BRAP: variants seen among roughly 807,000 people sequenced by gnomAD.
BRAP encodes BRCA1 associated protein, also known as BRCA1-associated protein.
A neutral mutation model predicts 73.4 loss-of-function variants in BRAP; 42 were observed. That is an observed-to-expected ratio of 0.57 (90% CI 0.45 to 0.74). The LOEUF is 0.74. Among genes scored for constraint, BRAP ranks in the 30% least tolerant of loss-of-function variants. The pLI is 0.00. For missense variants in BRAP, 593 were observed against 751.4 expected (o/e 0.79, Z 2.46); for synonymous variants, 255 against 267.4 (o/e 0.95, Z 0.45).
chr12:111,654,573 C>T (rs1886447456), intron 10 of BRAP, among the ~76,000 whole-genome samples: 1 of 152,206 alleles, frequency 6.6e-6, no homozygotes, highest in Non-Finnish European at 1.5e-5. Context: ...GCCTCGGCCT[C>T]CCAAAGTGCT....
intron 9 of BRAP, among the ~76,000 whole-genome samples, chr12:111,658,462 AT>A (rs1164163765): frequency 1.3e-5 from 2 of 152,000 alleles, no homozygotes; most frequent in African/African-American, 4.8e-5. Flanking sequence ...AGGAGCTGGG[AT>A]TACAGGTGTG....
At chr12:111,655,524 C>A in intron 10 of BRAP, 42 bp downstream of exon 10, 4 of 1,511,922 alleles carry the variant, frequency 2.6e-6, no homozygotes, top group Non-Finnish European at 3.7e-6. Flanking sequence ...GAGTGCCCTG[C>A]CATGTGTCAT....
intron 2 of BRAP, among the ~76,000 whole-genome samples, chr12:111,682,325 C>G (rs1385079007): frequency 6.6e-6 from 1 of 151,802 alleles, no homozygotes; most frequent in African/African-American, 2.4e-5. Flanking sequence ...TGGTGAAACC[C>G]TGTCTCTACC....
intron 5 of BRAP, among the ~76,000 whole-genome samples, chr12:111,671,266 A>T (rs987550528): frequency 4.6e-5 from 7 of 151,828 alleles, no homozygotes; most frequent in Non-Finnish European, 1.0e-4. Context: ...AAACAGAATC[A>T]ACGCCATGCA....
chr12:111,667,650 G>C (rs955615568), intron 5 of BRAP, among the ~76,000 whole-genome samples: 4 of 120,322 alleles, frequency 3.3e-5, no homozygotes, highest in African/African-American at 1.3e-4. Flanking sequence ...AGTGAGCTGA[G>C]ATCACACCAC....
intron 10 of BRAP, among the ~76,000 whole-genome samples, chr12:111,653,727 C>T (rs917860763): frequency 2.0e-5 from 3 of 152,156 alleles, no homozygotes; most frequent in African/African-American, 7.2e-5. Context: ...TCTCCCTGAA[C>T]ATGTTCTACT....
chr12:111,685,712 C>T lies in BRAP; in HGVS notation c.81G>A (p.Ala27=). ...ATGCGGCGAGGCCGCGGGACTCACC[C>T]GCGGCGCTGAAGCCGAAGCCGGCGG... The part of the protein sequence containing the change: ...PVPAGFGFSA[A]AGEMSDEEIK... The change falls in exon 1 of 12, where the codon GCG becomes GCA. Residue 27 remains alanine, a splice_region_variant and synonymous_variant. Transcript: ENST00000419234. 2 of 1,604,218 alleles carry T rather than the reference C, an allele frequency of 1.2e-6. No individual in the cohort carries two copies. Among genetic ancestry groups the T allele is most frequent in the Non-Finnish European group, 1.7e-6 (2 of 1,176,950 alleles).
intron 6 of BRAP, among the ~76,000 whole-genome samples, chr12:111,663,247 A>T (rs1886819348): frequency 6.6e-6 from 1 of 152,106 alleles, no homozygotes; most frequent in African/African-American, 2.4e-5. Flanking sequence ...TGAGGTCAGC[A>T]GTTCGAGACC....
chr12:111,658,640 A>G, intron 9 of BRAP, 96 bp downstream of exon 9: 1 of 1,063,274 alleles, frequency 9.4e-7, no homozygotes, highest in South Asian at 1.6e-5. Flanking sequence ...AAACTTTAAA[A>G]AAAAAATGTA....
At chr12:111,668,044 T>A (rs1887025103) in intron 5 of BRAP, among the ~76,000 whole-genome samples, 1 of 152,094 alleles carries the variant, frequency 6.6e-6, no homozygotes, top group African/African-American at 2.4e-5. Context: ...CCATCTCTAC[T>A]AAGAACACAA....
In BRAP at chr12:111,685,955, A is replaced by C; in HGVS notation, c.-163T>G. ...TCGAACAGCCCTCGGAGCCACAACA[A>C]CCTCCACTTCCGCCTCCCGGCCGCC... On this transcript the variant is annotated 5_prime_UTR_variant, in exon 1 of 12. Coordinates refer to ENST00000419234, the MANE Select transcript of BRAP (RefSeq NM_006768.5). The C allele has an allele frequency of 2.5e-6, 1 of 397,760 alleles. No homozygotes were observed. Among genetic ancestry groups the C allele is most frequent in the Non-Finnish European group, 4.4e-6 (1 of 228,856 alleles). 24.6% of individuals were successfully genotyped at this position (397,760 alleles called of 1,614,324 possible).
Position 111,643,318 on chromosome 12 carries a change from A to G in BRAP, c.*881T>C, listed in dbSNP as rs1458748344. The G allele has an allele frequency of 6.6e-6, 1 of 152,214 alleles. No individual in the cohort carries two copies. The highest frequency in any genetic ancestry group is 6.5e-5 in the Admixed American group (1 of 15,268). 9.4% of individuals were successfully genotyped at this position (152,214 alleles called of 1,614,324 possible). A position where few individuals can be genotyped will look rare whatever the true frequency, so the allele number is the denominator to read the frequency against. On this transcript the variant is annotated 3_prime_UTR_variant, in exon 12 of 12. Coordinates refer to ENST00000419234, the MANE Select transcript of BRAP (RefSeq NM_006768.5). ...CCAATATTTTGTAAACATTTAGAAA[A>G]TACTAAACCCAACAAAATACACAAT...
At chr12:111,647,808 T>C (rs1217885674) in intron 11 of BRAP, among the ~76,000 whole-genome samples, 2 of 151,588 alleles carry the variant, frequency 1.3e-5, no homozygotes, top group Admixed American at 6.6e-5. Flanking sequence ...GGCAGGAGAA[T>C]TGCTTGAACC....
intron 6 of BRAP, among the ~76,000 whole-genome samples, chr12:111,664,944 T>C (rs1886885352): frequency 6.6e-6 from 1 of 152,244 alleles, no homozygotes; most frequent in Non-Finnish European, 1.5e-5. Context: ...ACACTGGTTA[T>C]GGCTGTGATT....
intron 5 of BRAP, among the ~76,000 whole-genome samples, chr12:111,671,383 C>T (rs980426660): frequency 1.3e-5 from 2 of 151,806 alleles, no homozygotes; most frequent in Admixed American, 1.3e-4. Context: ...AACCCCATCT[C>T]CACTAAAAAT....
intron 9 of BRAP, among the ~76,000 whole-genome samples, chr12:111,658,053 C>T (rs992227721): frequency 6.6e-5 from 10 of 151,580 alleles, no homozygotes; most frequent in Non-Finnish European, 1.0e-4. Context: ...ATTCTGGTGC[C>T]TCAGCCTCCC....
At position 111,665,071 on chromosome 12, in the gene BRAP, C is replaced by G. The variant is rs1427955014; in HGVS notation, c.896+568G>C. The stretch of plus-strand genomic sequence containing the variant: ...CAGTGCAGTCTGCAAAGGGAGCAAC[C>G]ATCCTGGATTTAGGGGGTAAAAAAA... On this transcript the variant is annotated intron_variant, in intron 6 of 11. Coordinates refer to ENST00000419234, the MANE Select transcript of BRAP (RefSeq NM_006768.5). The surrounding 1 kb of genome is among the most constrained non-coding windows in gnomAD (Gnocchi z 4.3). Among the ~76,000 whole-genome samples, 1 of 152,180 alleles carries G rather than the reference C, an allele frequency of 6.6e-6. No homozygotes were observed. The highest frequency in any genetic ancestry group is 1.5e-5 in the Non-Finnish European group (1 of 68,030).
chr12:111,674,120 C>A lies in BRAP; in HGVS notation c.634-1346G>T, dbSNP rs551039462. Among the ~76,000 whole-genome samples the A allele has an allele frequency of 2.0e-5, 3 of 152,282 alleles. No individual in the cohort carries two copies. In the East Asian group the frequency reaches 5.8e-4, roughly 29 times the overall value. ...GGAAGAGATTCAGGGCTGCACCAGG[C>A]AAAAATATTCCTGCCTGTCCACCCT... On this transcript the variant is annotated intron_variant, in intron 4 of 11. Coordinates refer to ENST00000419234, the MANE Select transcript of BRAP (RefSeq NM_006768.5).
At chr12:111,668,665 TG>T (rs1181816019) in intron 5 of BRAP, among the ~76,000 whole-genome samples, 4 of 151,796 alleles carry the variant, frequency 2.6e-5, no homozygotes, top group African/African-American at 7.3e-5. Context: ...TTTTTTAATT[TG>T]TTTTTTTTGA....
Sources: gnomAD v4.1 joint callset for allele counts (sites outside exome capture counted in the v4.1 genomes callset) on GRCh38, gnomAD v4.1.1 for gene constraint, Gnocchi (gnomAD v3.1) non-coding constraint, MANE v1.5 for transcripts, NCBI Gene and HGNC (gene_info 2026-07-23, HGNC 2026-07-21) for gene names.